PRKAR2B: variants seen among roughly 807,000 people sequenced by gnomAD.
PRKAR2B encodes protein kinase cAMP-dependent type II regulatory subunit beta.
A neutral mutation model predicts 49.9 loss-of-function variants in PRKAR2B; 14 were observed. The ratio of observed to expected loss-of-function variants is 0.28; its 90% CI spans 0.19 to 0.44. The LOEUF (loss-of-function observed/expected upper bound fraction) is 0.44. Among genes scored for constraint, PRKAR2B ranks in the 20% least tolerant of loss-of-function variants. The pLI, the probability that PRKAR2B is intolerant of heterozygous loss-of-function variation, is 1.00. For synonymous variants in PRKAR2B, 196 were observed against 197.7 expected, an observed-to-expected ratio of 0.99 and a Z score of 0.07; for missense variants, 393 against 537.9, an observed-to-expected ratio of 0.73 and a Z score of 2.67.
intron 1 of PRKAR2B, among the ~76,000 whole-genome samples, chr7:107,062,593 C>T (rs1180889783): frequency 6.6e-6 from 1 of 152,092 alleles, no homozygotes; most frequent in Non-Finnish European, 1.5e-5. Flanking sequence ...AGGAAACTTT[C>T]CAAGGTGTTG....
At position 107,161,393 on chromosome 7, in the gene PRKAR2B, C is replaced by T. The variant is rs904726196; in HGVS notation, c.*1811C>T. The T allele has an allele frequency of 1.3e-5, 2 of 152,520 alleles. No individual in the cohort carries two copies. The highest frequency in any genetic ancestry group is 3.8e-4 in the East Asian group (2 of 5,200). The allele number at this position is 152,520 out of a possible 1,614,324, so 9.4% of individuals were successfully genotyped here. A position where few individuals can be genotyped will look rare whatever the true frequency, so the allele number is the denominator to read the frequency against. On this transcript the variant is annotated 3_prime_UTR_variant, in exon 11 of 11. Coordinates refer to ENST00000265717, the MANE Select transcript of PRKAR2B (RefSeq NM_002736.3). ...TTAACTATTCATGGAACAGCAAACG[C>T]CTGTTTAATAAAGAACTTTGACCAA...
At chr7:107,107,561 T>C (rs1795095757) in intron 2 of PRKAR2B, among the ~76,000 whole-genome samples, 1 of 151,976 alleles carries the variant, frequency 6.6e-6, no homozygotes, top group Non-Finnish European at 1.5e-5. Flanking sequence ...CATCAATTCC[T>C]GAGAGCCTAA....
intron 2 of PRKAR2B, among the ~76,000 whole-genome samples, chr7:107,117,131 A>G (rs1432546402): frequency 6.7e-6 from 1 of 149,452 alleles, no homozygotes; most frequent in Non-Finnish European, 1.5e-5. Context: ...TATTGAACGT[A>G]TATCTGTGCT....
At chr7:107,155,782 T>C (rs965806397) in intron 8 of PRKAR2B, among the ~76,000 whole-genome samples, 2 of 152,196 alleles carry the variant, frequency 1.3e-5, no homozygotes, top group African/African-American at 4.8e-5. Flanking sequence ...ATATAAATCA[T>C]TCTGCTATAA....
At chr7:107,139,106 C>G (rs1209042842) in intron 4 of PRKAR2B, among the ~76,000 whole-genome samples, 1 of 152,032 alleles carries the variant, frequency 6.6e-6, no homozygotes, top group Non-Finnish European at 1.5e-5. Context: ...ATAATATCAT[C>G]TTAAATGTCT....
chr7:107,130,496 C>T (rs1057098617), intron 4 of PRKAR2B, among the ~76,000 whole-genome samples: 6 of 151,846 alleles, frequency 4.0e-5, no homozygotes, highest in African/African-American at 1.5e-4. Context: ...CAGAGCGAGA[C>T]TCTGTCTCAA....
chr7:107,063,107 G>A (rs532760026), intron 1 of PRKAR2B, among the ~76,000 whole-genome samples: 73 of 152,172 alleles, frequency 4.8e-4, no homozygotes, highest in African/African-American at 1.7e-3. Flanking sequence ...AGGTTTGAGC[G>A]ATTCTCATGC....
chr7:107,046,708 A>G (rs1793702335), intron 1 of PRKAR2B, among the ~76,000 whole-genome samples: 1 of 152,190 alleles, frequency 6.6e-6, no homozygotes, highest in African/African-American at 2.4e-5. Flanking sequence ...GATGACAGAA[A>G]GGGCAGAGAT....
At chr7:107,061,151 T>C (rs1278944115) in intron 1 of PRKAR2B, among the ~76,000 whole-genome samples, 1 of 152,174 alleles carries the variant, frequency 6.6e-6, no homozygotes, top group Non-Finnish European at 1.5e-5. Context: ...GACTTTAAAA[T>C]GGTCTTGATA....
intron 6 of PRKAR2B, among the ~76,000 whole-genome samples, chr7:107,149,919 G>T (rs919770376): frequency 2.6e-5 from 4 of 151,930 alleles, no homozygotes; most frequent in African/African-American, 4.8e-5. Context: ...TCTCTATGAT[G>T]TGCATATTTC....
At chr7:107,052,659 G>A (rs2116749166) in intron 1 of PRKAR2B, among the ~76,000 whole-genome samples, 1 of 152,226 alleles carries the variant, frequency 6.6e-6, no homozygotes, top group East Asian at 1.9e-4. Flanking sequence ...AATTCTTTTA[G>A]CAGTAACGTG....
At position 107,160,583 on chromosome 7, in the gene PRKAR2B, T is replaced by G. The variant is rs1796180062; in HGVS notation, c.*1001T>G. On this transcript the variant is annotated 3_prime_UTR_variant, in exon 11 of 11. Coordinates refer to ENST00000265717, the MANE Select transcript of PRKAR2B (RefSeq NM_002736.3). The stretch of plus-strand genomic sequence containing the variant: ...ATCTGTTCCCTTGGGTTTCCGTTCT[T>G]TCTTAGGATGGTTGCCAACCCACAA... 1 of 152,216 alleles carries G rather than the reference T, an allele frequency of 6.6e-6. No homozygotes were observed. The highest frequency in any genetic ancestry group is 1.5e-5 in the Non-Finnish European group (1 of 68,020). The allele number at this position is 152,216 out of a possible 1,614,324, so 9.4% of individuals were successfully genotyped here. A position where few individuals can be genotyped will look rare whatever the true frequency, so the allele number is the denominator to read the frequency against.
At chr7:107,129,453 A>G (rs1033237209) in intron 4 of PRKAR2B, among the ~76,000 whole-genome samples, 2 of 152,150 alleles carry the variant, frequency 1.3e-5, no homozygotes, top group Non-Finnish European at 2.9e-5. Context: ...GTATCTTTGC[A>G]TCACTCTGTA....
chr7:107,059,986 C>T (rs1435613288), intron 1 of PRKAR2B, among the ~76,000 whole-genome samples: 4 of 152,092 alleles, frequency 2.6e-5, no homozygotes, highest in Non-Finnish European at 5.9e-5. Flanking sequence ...CATCTTCTAT[C>T]ATACCAGATT....
At chr7:107,155,877 C>G (rs1796075017) in intron 8 of PRKAR2B, among the ~76,000 whole-genome samples, 1 of 152,082 alleles carries the variant, frequency 6.6e-6, no homozygotes, top group South Asian at 2.1e-4. Flanking sequence ...CAGTGATAGA[C>G]TGGATAAAGA....
At chr7:107,154,253 T>C (rs759537188) in intron 8 of PRKAR2B, among the ~76,000 whole-genome samples, 1 of 152,212 alleles carries the variant, frequency 6.6e-6, no homozygotes, top group Non-Finnish European at 1.5e-5. Context: ...GTTGCAAAAA[T>C]AGTTTTGAGA....
chr7:107,156,981 T>C lies in PRKAR2B; in HGVS notation c.919-3T>C, dbSNP rs1258510473. ...CGTCTGTTTTTGTTATTGATTCCAA[T>C]AGGGAGATTCGGCTGATTCTTTTTT... On this transcript the variant is annotated splice_polypyrimidine_tract_variant and splice_region_variant and intron_variant, in intron 8 of 10. Transcript: ENST00000265717. 6.2e-7 allele frequency: 1 copy of C among 1,606,166 alleles called. No homozygotes were observed. The highest frequency in any genetic ancestry group is 1.7e-5 in the Admixed American group (1 of 59,948).
chr7:107,049,163 C>T (rs1336457163), intron 1 of PRKAR2B, among the ~76,000 whole-genome samples: 1 of 152,164 alleles, frequency 6.6e-6, no homozygotes, highest in Non-Finnish European at 1.5e-5. Context: ...CCCATAATTT[C>T]TTCAGTGGAA....
At chr7:107,058,771 A>T (rs1359216915) in intron 1 of PRKAR2B, among the ~76,000 whole-genome samples, 1 of 152,260 alleles carries the variant, frequency 6.6e-6, no homozygotes, top group African/African-American at 2.4e-5. Flanking sequence ...CACATTTTAC[A>T]TTAAAGTACA....
Sources: gnomAD v4.1 joint callset for allele counts (sites outside exome capture counted in the v4.1 genomes callset) on GRCh38, gnomAD v4.1.1 for gene constraint, MANE v1.5 for transcripts, NCBI Gene and HGNC (gene_info 2026-07-23, HGNC 2026-07-21) for gene names.